UBE2E2: variants seen among roughly 807,000 people sequenced by gnomAD.
UBE2E2 encodes ubiquitin-conjugating enzyme E2 E2.
Under a neutral mutation model 24.7 loss-of-function variants are expected in UBE2E2, and 6 were observed. The ratio of observed to expected loss-of-function variants is 0.24; its 90% CI spans 0.13 to 0.48. The LOEUF (loss-of-function observed/expected upper bound fraction) is 0.48. Among genes scored for constraint, UBE2E2 ranks in the 20% least tolerant of loss-of-function variants. The probability of loss-of-function intolerance (pLI) is 0.99; values close to 1 mark genes in which losing one functional copy is unlikely to be tolerated. For missense variants in UBE2E2, 169 were observed against 245.0 expected (o/e 0.69, Z 2.07); for synonymous variants, 104 against 83.6 (o/e 1.24, Z -1.33).
intron 3 of UBE2E2, among the ~76,000 whole-genome samples, chr3:23,238,680 G>A (rs1412304496): frequency 3.9e-5 from 6 of 152,182 alleles, no homozygotes; most frequent in South Asian, 4.1e-4. Context: ...CATAATGAGC[G>A]ATCTTCAGGA....
chr3:23,573,350 A>T (rs1002403735), intron 5 of UBE2E2, among the ~76,000 whole-genome samples: 2 of 152,202 alleles, frequency 1.3e-5, no homozygotes, highest in African/African-American at 2.4e-5. Flanking sequence ...TTAAAGAAAG[A>T]TGGACTGCTT....
chr3:23,247,745 T>C (rs1189760152), intron 3 of UBE2E2, among the ~76,000 whole-genome samples: 1 of 152,204 alleles, frequency 6.6e-6, no homozygotes, highest in Non-Finnish European at 1.5e-5. Context: ...GAGGCTCATT[T>C]GCAAAGGCAC....
At chr3:23,333,750 C>T (rs1160683512) in intron 3 of UBE2E2, among the ~76,000 whole-genome samples, 2 of 152,040 alleles carry the variant, frequency 1.3e-5, no homozygotes, top group East Asian at 3.9e-4. Context: ...ATATTTGCTT[C>T]TGAGTATTAA....
At chr3:23,304,665 A>G (rs1045835714) in intron 3 of UBE2E2, among the ~76,000 whole-genome samples, 1 of 152,136 alleles carries the variant, frequency 6.6e-6, no homozygotes, top group African/African-American at 2.4e-5. Context: ...GCTTTTTCAG[A>G]TAATTGTGGA....
intron 3 of UBE2E2, among the ~76,000 whole-genome samples, chr3:23,232,767 G>T (rs1697007192): frequency 6.6e-6 from 1 of 152,090 alleles, no homozygotes; most frequent in Non-Finnish European, 1.5e-5. Context: ...ATTTATAATC[G>T]ATTAAGAGAC....
intron 3 of UBE2E2, among the ~76,000 whole-genome samples, chr3:23,488,903 G>A (rs930152827): frequency 1.3e-5 from 2 of 152,206 alleles, no homozygotes; most frequent in African/African-American, 4.8e-5. Flanking sequence ...TGAGTACCTT[G>A]AGGCCTTTCA....
chr3:23,539,704 G>A (rs1204624977), intron 5 of UBE2E2, among the ~76,000 whole-genome samples: 1 of 152,146 alleles, frequency 6.6e-6, no homozygotes, highest in Non-Finnish European at 1.5e-5. Context: ...GACTGTTACA[G>A]AGTTGTTCAC....
At chr3:23,492,778 A>T (rs1699525923) in intron 3 of UBE2E2, among the ~76,000 whole-genome samples, 1 of 151,940 alleles carries the variant, frequency 6.6e-6, no homozygotes, top group Non-Finnish European at 1.5e-5. Context: ...ATACCATTAA[A>T]CCTCCCAATA....
intron 5 of UBE2E2, among the ~76,000 whole-genome samples, chr3:23,578,661 A>C (rs1696400204): frequency 6.6e-6 from 1 of 152,188 alleles, no homozygotes; most frequent in Non-Finnish European, 1.5e-5. Context: ...CATTATCCTC[A>C]GCAAACTAGC....
At chr3:23,524,218 G>A (rs189944820) in intron 4 of UBE2E2, among the ~76,000 whole-genome samples, 4 of 152,162 alleles carry the variant, frequency 2.6e-5, no homozygotes, top group South Asian at 2.1e-4. Context: ...CAGAAATACT[G>A]TATTAAAATT....
intron 4 of UBE2E2, among the ~76,000 whole-genome samples, chr3:23,517,120 A>C (rs1694760056): frequency 6.6e-6 from 1 of 152,112 alleles, no homozygotes; most frequent in South Asian, 2.1e-4. Context: ...AAGCATAGTT[A>C]GTCTTTTCTA....
rs201135552 is a variant in UBE2E2 at position 23,279,873 on chromosome 3, CT to C, written c.227+62565del. Among the ~76,000 whole-genome samples the C allele has an allele frequency of 5.8e-4, 88 of 152,338 alleles. 3 individuals are homozygous for C. The East Asian group carries it at 0.016, about 27-fold the overall frequency. On this transcript the variant is annotated intron_variant, in intron 3 of 5. Transcript: ENST00000396703. ...CAGTGTAGGCATACATGACCAAACT[CT>C]TTTCCCTGCTCTGGCCACTTAATTT...
chr3:23,359,636 T>C (rs1036985111), intron 3 of UBE2E2, among the ~76,000 whole-genome samples: 2 of 152,180 alleles, frequency 1.3e-5, no homozygotes, highest in Admixed American at 1.3e-4. Flanking sequence ...AACTTTTCTT[T>C]TTTTGCCTTT....
chr3:23,433,045 C>T (rs1256284450), intron 3 of UBE2E2, among the ~76,000 whole-genome samples: 2 of 151,682 alleles, frequency 1.3e-5, no homozygotes, highest in Non-Finnish European at 3.0e-5. Context: ...ATACTTTATT[C>T]CTGTGATAAG....
rs149266171 is a variant in UBE2E2, at chr3:23,446,004, G to T, written c.228-53604G>T. Among the ~76,000 whole-genome samples, 652 of 152,232 alleles carry T rather than the reference G, an allele frequency of 4.3e-3. 6 individuals carry two copies. The highest frequency in any genetic ancestry group is 7.0e-3 in the Non-Finnish European group (477 of 68,012). On this transcript the variant is annotated intron_variant, in intron 3 of 5. Coordinates refer to ENST00000396703, the MANE Select transcript of UBE2E2 (RefSeq NM_152653.4). ...TCTTCAGCCTGGGGGAACAGAGAGA[G>T]ACCCCATTTCTTAAACAGAGAAAAA...
chr3:23,435,593 A>G (rs1388387719), intron 3 of UBE2E2, among the ~76,000 whole-genome samples: 1 of 152,228 alleles, frequency 6.6e-6, no homozygotes, highest in Non-Finnish European at 1.5e-5. Flanking sequence ...GCACTTGGGA[A>G]CAGAGTAAAC....
intron 3 of UBE2E2, among the ~76,000 whole-genome samples, chr3:23,411,520 T>C (rs1559375999): frequency 1.3e-5 from 2 of 152,190 alleles, no homozygotes; most frequent in Non-Finnish European, 2.9e-5. Context: ...CTTGGGTTAT[T>C]GAGGACCTCC....
At chr3:23,316,172 A>C (rs768689664) in intron 3 of UBE2E2, among the ~76,000 whole-genome samples, 38 of 152,140 alleles carry the variant, frequency 2.5e-4, no homozygotes, top group Non-Finnish European at 1.8e-4. Context: ...TGCCGTCAGC[A>C]GTTGGCAAAA....
At chr3:23,478,896 A>ATATATTTTT (rs1192241310) in intron 3 of UBE2E2, among the ~76,000 whole-genome samples, 104 of 120,532 alleles carry the variant, frequency 8.6e-4, no homozygotes, top group African/African-American at 2.5e-3. Context: ...ATATATATAT[A>ATATATTTTT]TTTTTTTTTT....
Sources: allele counts gnomAD v4.1 joint callset (sites outside exome capture counted in the v4.1 genomes callset), GRCh38; gene constraint gnomAD v4.1.1; transcripts MANE v1.5; gene names NCBI Gene and HGNC (gene_info 2026-07-23, HGNC 2026-07-21).